Variants in KCNQ1 observed in about 807,000 individuals in gnomAD.
KCNQ1 encodes the protein potassium voltage-gated channel subfamily KQT member 1.
Under a neutral mutation model 72.4 loss-of-function variants are expected in KCNQ1, and 49 were observed. The ratio of observed to expected loss-of-function variants is 0.68; its 90% CI spans 0.54 to 0.86. KCNQ1 has a LOEUF of 0.86. Ranked by LOEUF, KCNQ1 falls within the 40% of genes least tolerant of loss-of-function variation. The pLI is 0.00. For missense variants in KCNQ1, 790 were observed against 945.1 expected (o/e 0.84, Z 2.15); for synonymous variants, 450 against 412.6 (o/e 1.09, Z -1.10).
chr11:2,746,991 C>T lies in KCNQ1; in HGVS notation c.1515-21853C>T, dbSNP rs1285763164. On this transcript the variant is annotated intron_variant, in intron 11 of 15. Transcript: ENST00000155840. This position sits in a 1 kb window ranked among gnomAD's most constrained non-coding sequence, Gnocchi z 5.9. ...CTGTGCAGGCAGCCTGGGTAATGGG[C>T]CACCGCCCCAGGCAGGCGTGGGAAT... Among the ~76,000 whole-genome samples, 1 of 152,206 alleles carries T rather than the reference C, an allele frequency of 6.6e-6. No individual in the cohort carries two copies. The highest frequency in any genetic ancestry group is 1.5e-5 in the Non-Finnish European group (1 of 68,042).
intron 1 of KCNQ1, among the ~76,000 whole-genome samples, chr11:2,469,684 CTTT>C (rs1047547667): frequency 1.3e-5 from 2 of 149,510 alleles, no homozygotes; most frequent in Non-Finnish European, 3.0e-5. Context: ...TTTTTTTTTT[CTTT>C]TTTTGAGACG....
In KCNQ1 at chr11:2,748,110, G is replaced by T. The variant is rs1050289053; in HGVS notation, c.1515-20734G>T. On this transcript the variant is annotated intron_variant, in intron 11 of 15. Transcript: ENST00000155840. This position sits in a 1 kb window ranked among gnomAD's most constrained non-coding sequence, Gnocchi z 6.2. Reference sequence around the variant, plus strand: ...GGAAAGGGCAGGTTCCCAGGGCTGGGCTTGTGGCCAGTGCAGCACTATCCT... The same window carrying T: ...GGAAAGGGCAGGTTCCCAGGGCTGGTCTTGTGGCCAGTGCAGCACTATCCT... Among the ~76,000 whole-genome samples the T allele has an allele frequency of 6.6e-6, 1 of 152,152 alleles. No homozygotes were observed. Among genetic ancestry groups the T allele is most frequent in the African/African-American group, 2.4e-5 (1 of 41,428 alleles).
chr11:2,739,346 T>C (rs1052319452), intron 11 of KCNQ1, among the ~76,000 whole-genome samples: 3 of 152,108 alleles, frequency 2.0e-5, no homozygotes, highest in African/African-American at 7.2e-5. Flanking sequence ...TTGCCTGAGG[T>C]CACATGGTAA....
chr11:2,675,360 G>A (rs368107534), intron 11 of KCNQ1: 3 of 398,420 alleles, frequency 7.5e-6, no homozygotes, highest in Non-Finnish European at 1.3e-5. Flanking sequence ...TTTAAAACAC[G>A]TGTGTGCATT....
rs1189383375 is a variant in KCNQ1 at position 2,652,607 on chromosome 11, T to G, written c.1394-9354T>G. ...GCTCTTGCTGCCTGGAACCTTCCCC[T>G]GAAAATGTGTCTTGGGAGACCTAGA... On this transcript the variant is annotated intron_variant, in intron 10 of 15. Transcript: ENST00000155840. This position sits in a 1 kb window ranked among gnomAD's most constrained non-coding sequence, Gnocchi z 5.9. 9 of 398,494 alleles carry G rather than the reference T, an allele frequency of 2.3e-5. No individual in the cohort carries two copies. The highest frequency in any genetic ancestry group is 4.0e-5 in the Non-Finnish European group (9 of 226,090). 24.7% of individuals were successfully genotyped at this position (398,494 alleles called of 1,614,324 possible).
chr11:2,672,265 C>G (rs562194524), intron 11 of KCNQ1: 3 of 398,674 alleles, frequency 7.5e-6, no homozygotes, highest in Non-Finnish European at 1.3e-5. Context: ...TCTTTTTGAA[C>G]TGCCCCACGA....
intron 15 of KCNQ1, among the ~76,000 whole-genome samples, chr11:2,805,826 C>T (rs991132357): frequency 1.3e-5 from 2 of 152,206 alleles, no homozygotes; most frequent in Non-Finnish European, 2.9e-5. Context: ...GCTCTGATGA[C>T]ACGTATCACG....
chr11:2,608,782 G>A lies in KCNQ1; in HGVS notation c.1393+19928G>A, dbSNP rs1438081582. The A allele has an allele frequency of 2.5e-6, 1 of 398,422 alleles. No homozygotes were observed. Among genetic ancestry groups the A allele is most frequent in the African/African-American group, 2.1e-5 (1 of 48,602 alleles). 24.7% of individuals were successfully genotyped at this position (398,422 alleles called of 1,614,324 possible). A position where few individuals can be genotyped will look rare whatever the true frequency, so the allele number is the denominator to read the frequency against. Reference sequence around the variant, plus strand: ...GGGATTACAGGTGTGAGCCACTGCAGCTAGCCTCGTTTTTTTGCTTTAATT... The same window carrying A: ...GGGATTACAGGTGTGAGCCACTGCAACTAGCCTCGTTTTTTTGCTTTAATT... On this transcript the variant is annotated intron_variant, in intron 10 of 15. Coordinates refer to ENST00000155840, the MANE Select transcript of KCNQ1 (RefSeq NM_000218.3). This position sits in a 1 kb window ranked among gnomAD's most constrained non-coding sequence, Gnocchi z 4.6.
rs893269575 is a variant in KCNQ1, at chr11:2,720,114, G to T, written c.1515-48730G>T. Among the ~76,000 whole-genome samples the T allele has an allele frequency of 7.9e-5, 12 of 152,338 alleles. No individual in the cohort carries two copies. Among genetic ancestry groups the T allele is most frequent in the African/African-American group, 2.9e-4 (12 of 41,576 alleles). On this transcript the variant is annotated intron_variant, in intron 11 of 15. Coordinates refer to ENST00000155840, the MANE Select transcript of KCNQ1 (RefSeq NM_000218.3). This position sits in a 1 kb window ranked among gnomAD's most constrained non-coding sequence, Gnocchi z 5.1. ...AGGGGCTCCTGCTGAAAGAGGTGGG[G>T]TTCAGTTCCCAAACCCACTGGAGGG...
In KCNQ1 at chr11:2,653,695, A is replaced by G; in HGVS notation, c.1394-8266A>G. ...CATTCAACAGCTCAGGAAGCCCAGC[A>G]GAACGAGGTCATCTCTTCCAGGATT... On this transcript the variant is annotated intron_variant, in intron 10 of 15. Transcript: ENST00000155840. This position sits in a 1 kb window ranked among gnomAD's most constrained non-coding sequence, Gnocchi z 5.3. 1 of 398,734 alleles carries G rather than the reference A, an allele frequency of 2.5e-6. No individual in the cohort carries two copies. Among genetic ancestry groups the G allele is most frequent in the Non-Finnish European group, 4.4e-6 (1 of 226,108 alleles). 24.7% of individuals were successfully genotyped at this position (398,734 alleles called of 1,614,324 possible). A position where few individuals can be genotyped will look rare whatever the true frequency, so the allele number is the denominator to read the frequency against.
intron 11 of KCNQ1, among the ~76,000 whole-genome samples, chr11:2,743,477 C>T (rs1276427338): frequency 7.9e-5 from 12 of 152,214 alleles, no homozygotes; most frequent in Admixed American, 6.5e-4. Flanking sequence ...GTTTGCCTGC[C>T]GGCTGTTGCT....
Position 2,473,446 on chromosome 11 carries a change from C to G in KCNQ1, c.386+27962C>G, listed in dbSNP as rs941644077. Among the ~76,000 whole-genome samples, 1 of 152,024 alleles carries G rather than the reference C, an allele frequency of 6.6e-6. No homozygotes were observed. The highest frequency in any genetic ancestry group is 6.5e-5 in the Admixed American group (1 of 15,270). ...GTTTGGAGATGTGAGGGGCTGGGCC[C>G]TCCCAGGTGAGCGGGTTGGGAAAGG... On this transcript the variant is annotated intron_variant, in intron 1 of 15. Transcript: ENST00000155840. This position sits in a 1 kb window ranked among gnomAD's most constrained non-coding sequence, Gnocchi z 6.0.
chr11:2,692,286 G>T, intron 11 of KCNQ1: 1 of 398,976 alleles, frequency 2.5e-6, no homozygotes, highest in Non-Finnish European at 4.4e-6. Context: ...TAGTTCTAGA[G>T]GTTCCCTGCT....
chr11:2,644,214 G>A, intron 10 of KCNQ1: 3 of 398,370 alleles, frequency 7.5e-6, no homozygotes, highest in Non-Finnish European at 1.3e-5. Context: ...TTCACCTTCT[G>A]GGACACTGAA....
chr11:2,821,059 A>G (rs187438010), intron 15 of KCNQ1, among the ~76,000 whole-genome samples: 123 of 152,342 alleles, frequency 8.1e-4, no homozygotes, highest in African/African-American at 2.9e-3. Flanking sequence ...CTCTAAGGAC[A>G]TCAGCACTCT....
chr11:2,821,275 G>A (rs1021629409), intron 15 of KCNQ1, among the ~76,000 whole-genome samples: 4 of 152,238 alleles, frequency 2.6e-5, no homozygotes, highest in South Asian at 4.1e-4. Context: ...GAGGCCCCGC[G>A]TGGGGCAGGA....
At chr11:2,480,734 G>T (rs1564793139) in intron 1 of KCNQ1, among the ~76,000 whole-genome samples, 1 of 152,308 alleles carries the variant, frequency 6.6e-6, no homozygotes. Flanking sequence ...ACTGTAGTGT[G>T]CAATAGAGAC....
At position 2,678,000 on chromosome 11, in the gene KCNQ1, T is replaced by C. The variant is rs1328651312; in HGVS notation, c.1514+15919T>C. On this transcript the variant is annotated intron_variant, in intron 11 of 15. Transcript: ENST00000155840. This position sits in a 1 kb window ranked among gnomAD's most constrained non-coding sequence, Gnocchi z 4.5. ...TTTGTTGGAAATGAGGTTTTTATCT[T>C]TCCAAATGCTTAAAATCATTTGTTT... 7 of 377,130 alleles carry C rather than the reference T, an allele frequency of 1.9e-5. No individual in the cohort carries two copies. The highest frequency in any genetic ancestry group is 1.3e-3 in the Middle Eastern group (2 of 1,590). The allele number at this position is 377,130 out of a possible 1,614,324, so 23.4% of individuals were successfully genotyped here. A position where few individuals can be genotyped will look rare whatever the true frequency, so the allele number is the denominator to read the frequency against.
chr11:2,814,623 C>CAAGGAAGGAAGGAAGGAAGGAAGGAAGG (rs3079081), intron 15 of KCNQ1, among the ~76,000 whole-genome samples: 3 of 142,546 alleles, frequency 2.1e-5, no homozygotes, highest in African/African-American at 7.8e-5. Flanking sequence ...TGGAAGGAGA[C>CAAGGAAGGAAGGAAGGAAGGAAGGAAGG]AAGGAAGGAA....
Sources: allele counts gnomAD v4.1 joint callset (sites outside exome capture counted in the v4.1 genomes callset), GRCh38; gene constraint gnomAD v4.1.1; non-coding constraint Gnocchi (gnomAD v3.1); transcripts MANE v1.5; gene names NCBI Gene and HGNC (gene_info 2026-07-23, HGNC 2026-07-21).